LAPTM4B: variants seen among roughly 807,000 people sequenced by gnomAD.
LAPTM4B encodes the protein lysosomal-associated transmembrane protein 4B.
In LAPTM4B, 26 loss-of-function variants were observed where a neutral mutation model predicts 28.5. That is an observed-to-expected ratio of 0.91 (90% confidence interval 0.67 to 1.27). The LOEUF is 1.27. Among genes scored for constraint, LAPTM4B ranks in the 50% most tolerant of loss-of-function variants. LAPTM4B has a pLI of 0.00. For missense variants in LAPTM4B, 288 were observed against 285.8 expected (o/e 1.01, Z -0.06); for synonymous variants, 109 against 106.4 (o/e 1.02, Z -0.15).
At chr8:97,822,767 G>C (rs1399484738) in intron 5 of LAPTM4B, among the ~76,000 whole-genome samples, 1 of 152,076 alleles carries the variant, frequency 6.6e-6, no homozygotes, top group East Asian at 1.9e-4. Flanking sequence ...TTTTGATACA[G>C]TGCAGAATAA....
chr8:97,788,884 C>T (rs1392905453), intron 1 of LAPTM4B, among the ~76,000 whole-genome samples: 7 of 150,178 alleles, frequency 4.7e-5, no homozygotes, highest in Non-Finnish European at 7.4e-5. Flanking sequence ...TTAGTACAGA[C>T]GGGGTTTCAC....
In LAPTM4B at chr8:97,775,817, A is replaced by T. The variant is rs1396922025; in HGVS notation, c.-193A>T. On this transcript the variant is annotated 5_prime_UTR_variant, in exon 1 of 7. Transcript: ENST00000521545. ...CCGCCGCTGCAGCGGTCGCCTTCGG[A>T]GCGAAGGGTACCGACCCGGCAGAAG... The T allele has an allele frequency of 6.4e-7, 1 of 1,562,790 alleles. No homozygotes were observed. Among genetic ancestry groups the T allele is most frequent in the Non-Finnish European group, 8.6e-7 (1 of 1,161,044 alleles).
At chr8:97,797,308 A>G (rs1026773447) in intron 1 of LAPTM4B, among the ~76,000 whole-genome samples, 8 of 151,908 alleles carry the variant, frequency 5.3e-5, no homozygotes, top group African/African-American at 1.9e-4. Flanking sequence ...CTAATTTTCT[A>G]TTTTAGTAGA....
At chr8:97,840,577 T>C (rs938148426) in intron 6 of LAPTM4B, among the ~76,000 whole-genome samples, 1 of 152,206 alleles carries the variant, frequency 6.6e-6, no homozygotes, top group Admixed American at 6.5e-5. Context: ...ATGTTATCAC[T>C]TGTCAATAGC....
chr8:97,849,680 G>A (rs917453102), intron 6 of LAPTM4B, among the ~76,000 whole-genome samples: 3 of 152,210 alleles, frequency 2.0e-5, no homozygotes, highest in African/African-American at 7.2e-5. Flanking sequence ...TTGCATCACA[G>A]CTCCAGAGTC....
At chr8:97,782,856 A>G (rs910434325) in intron 1 of LAPTM4B, among the ~76,000 whole-genome samples, 1 of 150,474 alleles carries the variant, frequency 6.6e-6, no homozygotes, top group African/African-American at 2.4e-5. Context: ...TTCAGCCTCC[A>G]AAGTAGCTGG....
At chr8:97,781,699 G>A (rs1816323096) in intron 1 of LAPTM4B, among the ~76,000 whole-genome samples, 1 of 152,162 alleles carries the variant, frequency 6.6e-6, no homozygotes, top group East Asian at 1.9e-4. Flanking sequence ...GTTAATCCCT[G>A]CCATATCCCC....
intron 1 of LAPTM4B, among the ~76,000 whole-genome samples, chr8:97,784,400 G>T (rs762052566): frequency 5.3e-5 from 8 of 152,114 alleles, no homozygotes; most frequent in Non-Finnish European, 1.0e-4. Flanking sequence ...TTATGAACAG[G>T]AGCGATATGA....
intron 6 of LAPTM4B, among the ~76,000 whole-genome samples, chr8:97,826,432 A>G (rs923245974): frequency 6.6e-5 from 10 of 152,212 alleles, no homozygotes; most frequent in African/African-American, 2.2e-4. Context: ...TTTGAAAGAA[A>G]TATCTATTCA....
intron 1 of LAPTM4B, among the ~76,000 whole-genome samples, chr8:97,791,520 G>T (rs1816499623): frequency 6.6e-6 from 1 of 152,182 alleles, no homozygotes; most frequent in South Asian, 2.1e-4. Flanking sequence ...TTCACTCAGA[G>T]AAATTGGGAT....
intron 6 of LAPTM4B, among the ~76,000 whole-genome samples, chr8:97,839,977 C>T (rs1410154902): frequency 6.6e-6 from 1 of 152,100 alleles, no homozygotes; most frequent in East Asian, 1.9e-4. Context: ...TCCCTGCATC[C>T]CTCCTTTTTC....
intron 6 of LAPTM4B, among the ~76,000 whole-genome samples, chr8:97,835,054 G>A (rs1354416568): frequency 6.6e-6 from 1 of 152,214 alleles, no homozygotes; most frequent in Non-Finnish European, 1.5e-5. Flanking sequence ...ATCTAGATCT[G>A]TCATTTTCCC....
intron 2 of LAPTM4B, among the ~76,000 whole-genome samples, chr8:97,812,397 G>A (rs1816846746): frequency 6.6e-6 from 1 of 151,628 alleles, no homozygotes; most frequent in Non-Finnish European, 1.5e-5. Flanking sequence ...AGTAGAGACA[G>A]GGTTTCACCA....
chr8:97,846,282 TTAAC>T (rs2129857386), intron 6 of LAPTM4B, among the ~76,000 whole-genome samples: 1 of 152,252 alleles, frequency 6.6e-6, no homozygotes, highest in South Asian at 2.1e-4. Context: ...CTATAGTGAC[TTAAC>T]TAATATTACA....
chr8:97,815,377 T>C lies in LAPTM4B; in HGVS notation c.261T>C (p.Ala87=). ...CTCTTCTCATGATCCTGATATGTGC[T>C]ATGGCTACTTACGGAGCGTACAAGG... ...AISLLMILIC[A]MATYGAYKQR... The change falls in exon 3 of 7, where the codon GCT becomes GCC. Residue 87 remains alanine, a synonymous_variant. Coordinates refer to ENST00000521545, the MANE Select transcript of LAPTM4B (RefSeq NM_018407.6). 2 of 1,613,890 alleles carry C rather than the reference T, an allele frequency of 1.2e-6. No individual in the cohort carries two copies. The highest frequency in any genetic ancestry group is 1.7e-6 in the Non-Finnish European group (2 of 1,179,770).
intron 4 of LAPTM4B, among the ~76,000 whole-genome samples, chr8:97,818,129 A>G (rs1816950594): frequency 1.3e-5 from 2 of 152,218 alleles, no homozygotes; most frequent in African/African-American, 4.8e-5. Context: ...TTTTATTAAT[A>G]AAAGAGTAAA....
intron 1 of LAPTM4B, among the ~76,000 whole-genome samples, chr8:97,781,725 G>A (rs1193591161): frequency 6.6e-6 from 1 of 152,194 alleles, no homozygotes; most frequent in Non-Finnish European, 1.5e-5. Context: ...CTGTAGGTAA[G>A]TTTTGCTTAT....
At chr8:97,801,138 TAAC>T in intron 1 of LAPTM4B, among the ~76,000 whole-genome samples, 1 of 151,908 alleles carries the variant, frequency 6.6e-6, no homozygotes, top group East Asian at 1.9e-4. Context: ...CCTGTTATGA[TAAC>T]AATAATGGAG....
rs1275624847 is a variant in LAPTM4B, at chr8:97,822,538, T to TATTTATG, written c.508-2520_508-2519insATTTATG. Among the ~76,000 whole-genome samples, 140 of 131,686 alleles carry TATTTATG rather than the reference T, an allele frequency of 1.1e-3. No homozygotes were observed. The Middle Eastern group carries it at 0.019, about 18-fold the overall frequency. 86.4% of individuals were successfully genotyped at this position (131,686 alleles called of 152,430 possible). On this transcript the variant is annotated intron_variant, in intron 5 of 6. Transcript: ENST00000521545. ...TCAGTATGACTTCTATTTTATTTAT[T>TATTTATG]TATTTATTTATTTATTTATTTATTT...
Sources: allele counts gnomAD v4.1 joint callset (sites outside exome capture counted in the v4.1 genomes callset), GRCh38; gene constraint gnomAD v4.1.1; transcripts MANE v1.5; gene names NCBI Gene and HGNC (gene_info 2026-07-23, HGNC 2026-07-21).